Variants in DOK6 observed in about 807,000 individuals in gnomAD.
The protein encoded by DOK6 is docking protein 6, also known as downstream of tyrosine kinase 6.
Under a neutral mutation model 44.0 loss-of-function variants are expected in DOK6, and 22 were observed. That is an observed-to-expected ratio of 0.50 (90% CI 0.36 to 0.71). The LOEUF (loss-of-function observed/expected upper bound fraction) is 0.71. Among genes scored for constraint, DOK6 ranks in the 30% least tolerant of loss-of-function variants. The pLI is 0.00. For synonymous variants in DOK6, 166 were observed against 145.5 expected (o/e 1.14, Z -1.01); for missense variants, 340 against 416.4 (o/e 0.82, Z 1.60).
At chr18:69,458,783 C>T (rs751433130) in intron 1 of DOK6, among the ~76,000 whole-genome samples, 15 of 152,222 alleles carry the variant, frequency 9.9e-5, no homozygotes, top group African/African-American at 3.4e-4. Flanking sequence ...ATCCCACTTA[C>T]GGTAGCCAAA....
intron 2 of DOK6, among the ~76,000 whole-genome samples, chr18:69,575,106 T>C (rs1195706211): frequency 6.6e-6 from 1 of 152,084 alleles, no homozygotes; most frequent in African/African-American, 2.4e-5. Flanking sequence ...CCTAAATTTA[T>C]ACAAATAAAA....
intron 5 of DOK6, among the ~76,000 whole-genome samples, chr18:69,735,503 C>G (rs1234109107): frequency 6.6e-6 from 1 of 152,238 alleles, no homozygotes; most frequent in African/African-American, 2.4e-5. Flanking sequence ...TTCCAAGGCC[C>G]CTCCCAGTGG....
chr18:69,416,193 CGAAGGAAGGAAG>C (rs1568250426), intron 1 of DOK6, among the ~76,000 whole-genome samples: 1 of 10,520 alleles, frequency 9.5e-5, no homozygotes, highest in South Asian at 2.3e-3. Context: ...AAGGAAGGAA[CGAAGGAAGGAAG>C]GAAGGAACGA....
chr18:69,479,614 T>A (rs1040878418), intron 1 of DOK6, among the ~76,000 whole-genome samples: 2 of 152,166 alleles, frequency 1.3e-5, no homozygotes. Context: ...TTAATACAAG[T>A]TAATATTATG....
chr18:69,571,037 T>G (rs1380473311), intron 2 of DOK6, among the ~76,000 whole-genome samples: 1 of 152,040 alleles, frequency 6.6e-6, no homozygotes, highest in Non-Finnish European at 1.5e-5. Flanking sequence ...ATTATATATG[T>G]ATACATGATT....
At chr18:69,444,644 C>CTTT (rs200365790) in intron 1 of DOK6, among the ~76,000 whole-genome samples, 3 of 132,744 alleles carry the variant, frequency 2.3e-5, no homozygotes, top group Non-Finnish European at 3.2e-5. Context: ...TAAAATCAAC[C>CTTT]TTTTTTTTTT....
rs553932749 is a variant in DOK6, at chr18:69,546,442, T to C, written c.67-18045T>C. Among the ~76,000 whole-genome samples the C allele has an allele frequency of 2.0e-4, 30 of 151,760 alleles. No homozygotes were observed. In the East Asian group the frequency reaches 5.6e-3, roughly 28 times the overall value. ...TTTCTACCTCTGCTGTTTTCAGTCA[T>C]AGATTCCATAACCAGGAATGGCTAA... On this transcript the variant is annotated intron_variant, in intron 1 of 7. Coordinates refer to ENST00000382713, the MANE Select transcript of DOK6 (RefSeq NM_152721.6).
intron 1 of DOK6, among the ~76,000 whole-genome samples, chr18:69,437,229 C>T (rs761717825): frequency 3.3e-5 from 5 of 152,128 alleles, no homozygotes; most frequent in Non-Finnish European, 7.3e-5. Context: ...GAAGTCTTTG[C>T]CCATGCCTAT....
Position 69,757,710 on chromosome 18 carries a change from T to G in DOK6, c.739-46T>G, listed in dbSNP as rs183518843. 28 of 1,514,672 alleles carry G rather than the reference T, an allele frequency of 1.8e-5. No homozygotes were observed. The African/African-American group carries it at 3.7e-4, about 20-fold the overall frequency. 93.8% of individuals were successfully genotyped at this position (1,514,672 alleles called of 1,614,324 possible). A position where few individuals can be genotyped will look rare whatever the true frequency, so the allele number is the denominator to read the frequency against. Reference sequence around the variant, plus strand: ...AATATTTAGAAGAGCAGATTTCAGTTTAATATTTTAAAACGAGGCCTAAAA... The same window carrying G: ...AATATTTAGAAGAGCAGATTTCAGTGTAATATTTTAAAACGAGGCCTAAAA... On this transcript the variant is annotated intron_variant, in intron 6 of 7. Transcript: ENST00000382713.
chr18:69,581,429 G>T (rs533542872), intron 2 of DOK6, among the ~76,000 whole-genome samples: 1 of 152,300 alleles, frequency 6.6e-6, no homozygotes, highest in Admixed American at 6.5e-5. Context: ...AGGAAGAAAG[G>T]AGTAAACCTT....
At chr18:69,487,151 A>T (rs1246665395) in intron 1 of DOK6, among the ~76,000 whole-genome samples, 3 of 150,312 alleles carry the variant, frequency 2.0e-5, no homozygotes, top group Non-Finnish European at 4.4e-5. Flanking sequence ...ATTTCTGTCT[A>T]CAATTAGCCT....
At chr18:69,522,496 T>C (rs2119957) in intron 1 of DOK6, among the ~76,000 whole-genome samples, 92,462 of 151,766 alleles carry the variant, frequency 0.61, 28,954 homozygotes, top group Non-Finnish European at 0.69. Flanking sequence ...GCATATGGAG[T>C]CTTTACATAC....
chr18:69,768,044 T>A lies in DOK6; in HGVS notation c.856+10171T>A, dbSNP rs147006953. On this transcript the variant is annotated intron_variant, in intron 7 of 7. Transcript: ENST00000382713. ...AAAATCTCTGTTCAGTCTCTATATT[T>A]TTCTCCATCAAGCTTCCCCTACTGA... Among the ~76,000 whole-genome samples the A allele has an allele frequency of 2.6e-5, 4 of 152,292 alleles. No homozygotes were observed. The East Asian group carries it at 7.7e-4, about 29-fold the overall frequency.
chr18:69,625,086 C>A (rs928677285), intron 3 of DOK6, among the ~76,000 whole-genome samples: 1 of 152,084 alleles, frequency 6.6e-6, no homozygotes, highest in Non-Finnish European at 1.5e-5. Context: ...AGTTCTCTTA[C>A]TGTTTTCTGG....
At position 69,432,774 on chromosome 18, in the gene DOK6, G is replaced by A. The variant is rs188832441; in HGVS notation, c.66+31464G>A. ...AAAAAAGAAAAAGTGATTAATGAAA[G>A]AAAATACAATTTTATTTAAAATATA... On this transcript the variant is annotated intron_variant, in intron 1 of 7. Transcript: ENST00000382713. Among the ~76,000 whole-genome samples, 80 of 152,126 alleles carry A rather than the reference G, an allele frequency of 5.3e-4. 1 individual carries two copies. The highest frequency in any genetic ancestry group is 1.9e-3 in the African/African-American group (78 of 41,510).
At chr18:69,542,218 T>A (rs1389446017) in intron 1 of DOK6, among the ~76,000 whole-genome samples, 1 of 151,448 alleles carries the variant, frequency 6.6e-6, no homozygotes, top group Non-Finnish European at 1.5e-5. Flanking sequence ...GAAACCAACT[T>A]AGCAAACTTA....
At chr18:69,440,828 G>T (rs141842383) in intron 1 of DOK6, among the ~76,000 whole-genome samples, 1 of 151,826 alleles carries the variant, frequency 6.6e-6, no homozygotes, top group South Asian at 2.1e-4. Flanking sequence ...AATAATGGTC[G>T]ATTTATGTAG....
intron 2 of DOK6, among the ~76,000 whole-genome samples, chr18:69,597,090 T>G (rs1001205860): frequency 4.6e-5 from 7 of 151,980 alleles, no homozygotes; most frequent in African/African-American, 1.7e-4. Context: ...ATTATAAATA[T>G]GATGTAATGT....
intron 3 of DOK6, among the ~76,000 whole-genome samples, chr18:69,667,321 A>G (rs1985685039): frequency 1.3e-5 from 2 of 152,160 alleles, no homozygotes; most frequent in South Asian, 4.2e-4. Context: ...TACAAAATAA[A>G]TAACTTCTAG....
Sources: gnomAD v4.1 joint callset for allele counts (sites outside exome capture counted in the v4.1 genomes callset) on GRCh38, gnomAD v4.1.1 for gene constraint, MANE v1.5 for transcripts, NCBI Gene and HGNC (gene_info 2026-07-23, HGNC 2026-07-21) for gene names.